BCAS3: variants seen among roughly 807,000 people sequenced by gnomAD.
The protein encoded by BCAS3 is BCAS4/BCAS3 fusion.
In BCAS3, 53 loss-of-function variants were observed where a neutral mutation model predicts 116.1. The observed-to-expected ratio is 0.46, with a 90% confidence interval of 0.37 to 0.57. The LOEUF (loss-of-function observed/expected upper bound fraction) is 0.57. BCAS3 is among the 20% of genes least tolerant of loss of function. BCAS3 has a pLI of 0.00. For missense variants in BCAS3, 917 were observed against 1,165.4 expected (o/e 0.79, Z 3.10); for synonymous variants, 391 against 408.2 (o/e 0.96, Z 0.51).
chr17:60,696,866 CATT>C (rs2035660633), intron 4 of BCAS3, among the ~76,000 whole-genome samples: 1 of 152,092 alleles, frequency 6.6e-6, no homozygotes, highest in Non-Finnish European at 1.5e-5. Context: ...CTGCCCCTAT[CATT>C]ATTTACCTTT....
intron 19 of BCAS3, among the ~76,000 whole-genome samples, chr17:61,057,380 G>A (rs1340764107): frequency 2.0e-5 from 3 of 152,208 alleles, no homozygotes; most frequent in Admixed American, 1.3e-4. Flanking sequence ...GACTGCTCCA[G>A]TGTAAGTTTA....
At chr17:61,317,390 C>T (rs1264415466) in intron 22 of BCAS3, among the ~76,000 whole-genome samples, 1 of 152,236 alleles carries the variant, frequency 6.6e-6, no homozygotes, top group Non-Finnish European at 1.5e-5. Context: ...ATTTCATCTA[C>T]TGGCAGTGTA....
intron 6 of BCAS3, among the ~76,000 whole-genome samples, chr17:60,792,385 G>A (rs2046854061): frequency 6.6e-6 from 1 of 152,158 alleles, no homozygotes; most frequent in Non-Finnish European, 1.5e-5. Flanking sequence ...TGAACCCCCC[G>A]CTCGCTTGCT....
chr17:61,148,832 A>G (rs1284897862), intron 22 of BCAS3, among the ~76,000 whole-genome samples: 1 of 152,156 alleles, frequency 6.6e-6, no homozygotes, highest in African/African-American at 2.4e-5. Context: ...TACTGTTGGC[A>G]AAAAAATGTA....
At chr17:61,247,951 C>T (rs773052881) in intron 22 of BCAS3, among the ~76,000 whole-genome samples, 17 of 152,218 alleles carry the variant, frequency 1.1e-4, no homozygotes, top group Non-Finnish European at 2.4e-4. Context: ...GTGGTTACAA[C>T]TTGCGGCATT....
chr17:61,145,616 G>A lies in BCAS3; in HGVS notation c.2425+61052G>A, dbSNP rs1050838691. Among the ~76,000 whole-genome samples the A allele has an allele frequency of 5.9e-5, 9 of 152,114 alleles. No individual in the cohort carries two copies. The highest frequency in any genetic ancestry group is 1.3e-4 in the Non-Finnish European group (9 of 68,022). ...GTACAGCACAGCACCAGACCCTTGT[G>A]TCATTTAATGTTACTTTAAAAAATT... On this transcript the variant is annotated intron_variant, in intron 22 of 23. Transcript: ENST00000407086. This position sits in a 1 kb window ranked among gnomAD's most constrained non-coding sequence, Gnocchi z 5.0.
chr17:60,786,571 A>ATATAT (rs34629256), intron 6 of BCAS3, among the ~76,000 whole-genome samples: 2 of 149,648 alleles, frequency 1.3e-5, no homozygotes, highest in Non-Finnish European at 1.5e-5. Flanking sequence ...ATATATATAT[A>ATATAT]AAATGTGTCA....
In BCAS3 at chr17:60,859,385, C is replaced by A. The variant is rs372544932; in HGVS notation, c.477-9191C>A. On this transcript the variant is annotated intron_variant, in intron 7 of 23. Transcript: ENST00000407086. The stretch of plus-strand genomic sequence containing the variant: ...AGTAGGCCCCGGTGTCTGTTGTCCC[C>A]TTCCTTGTGTCCATGTGAATTCATT... Among the ~76,000 whole-genome samples, 3 of 152,076 alleles carry A rather than the reference C, an allele frequency of 2.0e-5. No homozygotes were observed. The South Asian group carries it at 6.2e-4, about 32-fold the overall frequency.
At chr17:60,889,005 G>A (rs1414574005) in intron 9 of BCAS3, among the ~76,000 whole-genome samples, 1 of 152,178 alleles carries the variant, frequency 6.6e-6, no homozygotes, top group East Asian at 1.9e-4. Context: ...AGAGTCAGCG[G>A]CGAAGAAAAC....
intron 19 of BCAS3, among the ~76,000 whole-genome samples, chr17:61,045,967 T>TTATATATATAA (rs2068147970): frequency 1.1e-4 from 1 of 9,226 alleles, no homozygotes; most frequent in African/African-American, 1.5e-3. Flanking sequence ...ATATATATAA[T>TTATATATATAA]ATATATATAT....
At chr17:61,257,899 C>T (rs987214641) in intron 22 of BCAS3, among the ~76,000 whole-genome samples, 1 of 152,184 alleles carries the variant, frequency 6.6e-6, no homozygotes, top group African/African-American at 2.4e-5. Context: ...CCCATTTTCA[C>T]TCTGGTTCAA....
At chr17:60,959,269 T>C (rs778801413) in intron 14 of BCAS3, among the ~76,000 whole-genome samples, 1 of 152,024 alleles carries the variant, frequency 6.6e-6, no homozygotes, top group Non-Finnish European at 1.5e-5. Context: ...ATCACACCAC[T>C]GCACTCCAGC....
rs536549089 is a variant in BCAS3 at position 61,211,529 on chromosome 17, A to C, written c.2425+126965A>C. Among the ~76,000 whole-genome samples, 3 of 152,342 alleles carry C rather than the reference A, an allele frequency of 2.0e-5. No homozygotes were observed. The highest frequency in any genetic ancestry group is 7.2e-5 in the African/African-American group (3 of 41,586). Reference sequence around the variant, plus strand: ...CACCTAAGAGCTGTTGGCTGAAAAAAGCACTGTCTACAACAGCAGAGGTGG... The same window carrying C: ...CACCTAAGAGCTGTTGGCTGAAAAACGCACTGTCTACAACAGCAGAGGTGG... On this transcript the variant is annotated intron_variant, in intron 22 of 23. Transcript: ENST00000407086. The surrounding 1 kb of genome is among the most constrained non-coding windows in gnomAD (Gnocchi z 4.4).
At position 61,124,552 on chromosome 17, in the gene BCAS3, C is replaced by T. The variant is rs1327907911; in HGVS notation, c.2425+39988C>T. Among the ~76,000 whole-genome samples, 7 of 151,910 alleles carry T rather than the reference C, an allele frequency of 4.6e-5. No homozygotes were observed. The highest frequency in any genetic ancestry group is 1.5e-4 in the African/African-American group (6 of 41,344). On this transcript the variant is annotated intron_variant, in intron 22 of 23. Transcript: ENST00000407086. This position sits in a 1 kb window ranked among gnomAD's most constrained non-coding sequence, Gnocchi z 4.6. Reference sequence around the variant, plus strand: ...TATTTTGGCATCATTTCTTACATACCCTGTTATTGTTTAGGGGAAAAATGT... The same window carrying T: ...TATTTTGGCATCATTTCTTACATACTCTGTTATTGTTTAGGGGAAAAATGT...
In BCAS3 at chr17:61,390,264, C is replaced by T. The variant is rs2143688417; in HGVS notation, c.2594-1713C>T. 6.6e-6 allele frequency: 1 copy of T among 152,396 alleles called. No homozygotes were observed. The highest frequency in any genetic ancestry group is 2.4e-5 in the African/African-American group (1 of 41,582). The allele number at this position is 152,396 out of a possible 1,614,324, so 9.4% of individuals were successfully genotyped here. A position where few individuals can be genotyped will look rare whatever the true frequency, so the allele number is the denominator to read the frequency against. ...TAAAATCCCCAGGGTCTACTCTTGG[C>T]TTTACCACCCTCTCCATCTCATGGC... On this transcript the variant is annotated intron_variant, in intron 23 of 23. Transcript: ENST00000407086. This position sits in a 1 kb window ranked among gnomAD's most constrained non-coding sequence, Gnocchi z 6.8.
rs2059378901 is a variant in BCAS3, at chr17:61,377,240, GCCACCAGATAGAGAGCCCAGTC to G, written c.2593+8754_2593+8775del. Among the ~76,000 whole-genome samples, 1 of 152,198 alleles carries G rather than the reference GCCACCAGATAGAGAGCCCAGTC, an allele frequency of 6.6e-6. No individual in the cohort carries two copies. The highest frequency in any genetic ancestry group is 2.4e-5 in the African/African-American group (1 of 41,440). On this transcript the variant is annotated intron_variant, in intron 23 of 23. Coordinates refer to ENST00000407086, the MANE Select transcript of BCAS3 (RefSeq NM_017679.5). This position sits in a 1 kb window ranked among gnomAD's most constrained non-coding sequence, Gnocchi z 4.6. ...AAGAAAGTGTCCCCAGAGGCACAGG[GCCACCAGATAGAGAGCCCAGTC>G]CCACCAGCAGGTCACAAGCATCCCT...
chr17:60,802,899 G>A (rs1353704467), intron 6 of BCAS3, among the ~76,000 whole-genome samples: 4 of 152,226 alleles, frequency 2.6e-5, no homozygotes, highest in Admixed American at 6.5e-5. Context: ...TTACAGGCGT[G>A]AGCCACTGTG....
chr17:60,746,421 G>C (rs987854160), intron 5 of BCAS3, among the ~76,000 whole-genome samples: 3 of 152,014 alleles, frequency 2.0e-5, no homozygotes, highest in African/African-American at 7.2e-5. Context: ...TTTACCTTTT[G>C]TTCTTCTTTT....
At chr17:60,699,398 A>T (rs2036085272) in intron 4 of BCAS3, among the ~76,000 whole-genome samples, 1 of 151,924 alleles carries the variant, frequency 6.6e-6, no homozygotes, top group East Asian at 1.9e-4. Context: ...TATTTTTAGT[A>T]ATTTTTGTAT....
Sources: gnomAD v4.1 joint callset for allele counts (sites outside exome capture counted in the v4.1 genomes callset) on GRCh38, gnomAD v4.1.1 for gene constraint, Gnocchi (gnomAD v3.1) non-coding constraint, MANE v1.5 for transcripts, NCBI Gene and HGNC (gene_info 2026-07-23, HGNC 2026-07-21) for gene names.